PDE1C: variants seen among roughly 807,000 people sequenced by gnomAD.
The protein encoded by PDE1C is dual specificity calcium/calmodulin-dependent 3',5'-cyclic nucleotide phosphodiesterase 1C.
Under a neutral mutation model 93.1 loss-of-function variants are expected in PDE1C, and 62 were observed. That is an observed-to-expected ratio of 0.67 (90% confidence interval 0.54 to 0.82). The LOEUF (loss-of-function observed/expected upper bound fraction) is 0.82, where lower values mean the gene tolerates loss of function less well. Ranked by LOEUF, PDE1C falls within the 40% of genes least tolerant of loss-of-function variation. The probability of loss-of-function intolerance (pLI) is 0.00; values close to 1 mark genes in which losing one functional copy is unlikely to be tolerated. For missense variants in PDE1C, 742 were observed against 884.6 expected, an observed-to-expected ratio of 0.84 and a Z score of 2.04; for synonymous variants, 325 against 310.1, an observed-to-expected ratio of 1.05 and a Z score of -0.50.
At chr7:32,193,916 G>GTTTT (rs1554283858) in intron 2 of PDE1C, among the ~76,000 whole-genome samples, 4 of 115,262 alleles carry the variant, frequency 3.5e-5, no homozygotes, top group Admixed American at 9.5e-5. Context: ...GTTTTGTTTT[G>GTTTT]TTTTTTTTTT....
intron 15 of PDE1C, among the ~76,000 whole-genome samples, chr7:31,813,333 C>G (rs1471284473): frequency 6.6e-6 from 1 of 152,146 alleles, no homozygotes; most frequent in Non-Finnish European, 1.5e-5. Flanking sequence ...TTTTCTGTCA[C>G]TCTAGAAGCA....
the PDE1C span, chr7:31,642,316 A>G: frequency 8.4e-7 from 1 of 1,188,662 alleles, no homozygotes; most frequent in Non-Finnish European, 1.2e-6. Context: ...CTTCAGCCCT[A>G]TCAACCAGGC....
At chr7:32,390,443 C>G (rs1784729034) in intron 1 of PDE1C, among the ~76,000 whole-genome samples, 1 of 151,468 alleles carries the variant, frequency 6.6e-6, no homozygotes, top group African/African-American at 2.4e-5. Flanking sequence ...CTACTAAACA[C>G]TCTACAATGC....
chr7:32,169,033 G>C (rs1486259410), intron 3 of PDE1C, among the ~76,000 whole-genome samples: 1 of 152,018 alleles, frequency 6.6e-6, no homozygotes, highest in African/African-American at 2.4e-5. Context: ...AGAAAGGAGG[G>C]GCAGAAGGCA....
chr7:31,901,268 T>C (rs1799948279), intron 2 of PDE1C, among the ~76,000 whole-genome samples: 1 of 151,624 alleles, frequency 6.6e-6, no homozygotes. Flanking sequence ...TTAAAGCCAT[T>C]AGAACACATA....
At chr7:31,940,814 C>T (rs1805728109) in intron 2 of PDE1C, among the ~76,000 whole-genome samples, 1 of 152,054 alleles carries the variant, frequency 6.6e-6, no homozygotes, top group African/African-American at 2.4e-5. Flanking sequence ...GATCCAGTTT[C>T]ACTCTGAGCA....
the PDE1C span, among the ~76,000 whole-genome samples, chr7:31,717,799 A>G: frequency 6.6e-6 from 1 of 152,064 alleles, no homozygotes; most frequent in Non-Finnish European, 1.5e-5. Flanking sequence ...GGTCTTTAGG[A>G]GTCTATTTCT....
chr7:32,131,565 G>A (rs1799922235), intron 3 of PDE1C, among the ~76,000 whole-genome samples: 1 of 152,056 alleles, frequency 6.6e-6, no homozygotes, highest in South Asian at 2.1e-4. Context: ...AGTCAATGAG[G>A]CCTATTGGGC....
At chr7:32,339,255 A>T (rs1258456427) in intron 1 of PDE1C, among the ~76,000 whole-genome samples, 2 of 152,240 alleles carry the variant, frequency 1.3e-5, no homozygotes, top group Non-Finnish European at 2.9e-5. Context: ...AAAAAAATTT[A>T]AAAGTCATAA....
the PDE1C span, among the ~76,000 whole-genome samples, chr7:31,732,688 C>G: frequency 3.0e-5 from 4 of 132,908 alleles, no homozygotes; most frequent in African/African-American, 1.2e-4. Context: ...GACTGGTCTG[C>G]TTCTCTGAAG....
At chr7:32,317,703 A>G (rs1328383663) in intron 1 of PDE1C, among the ~76,000 whole-genome samples, 1 of 152,188 alleles carries the variant, frequency 6.6e-6, no homozygotes, top group African/African-American at 2.4e-5. Context: ...CAAGCTCCAC[A>G]GCCAACCTGC....
chr7:32,046,527 C>T (rs1792592099), intron 2 of PDE1C, among the ~76,000 whole-genome samples: 1 of 152,142 alleles, frequency 6.6e-6, no homozygotes, highest in Non-Finnish European at 1.5e-5. Context: ...CTACAAGCCT[C>T]TGTACCTATT....
At chr7:32,272,298 A>T (rs1396278179) in intron 1 of PDE1C, among the ~76,000 whole-genome samples, 1 of 152,240 alleles carries the variant, frequency 6.6e-6, no homozygotes, top group Non-Finnish European at 1.5e-5. Flanking sequence ...TGGCCTAAGA[A>T]ATGATTAAAT....
chr7:31,898,211 GCTTT>G (rs1799553985), intron 2 of PDE1C, among the ~76,000 whole-genome samples: 1 of 151,852 alleles, frequency 6.6e-6, no homozygotes, highest in Non-Finnish European at 1.5e-5. Context: ...AAAAACCTTT[GCTTT>G]ATTTGTATTT....
intron 2 of PDE1C, among the ~76,000 whole-genome samples, chr7:32,171,906 T>C (rs886884156): frequency 2.0e-5 from 3 of 146,450 alleles, no homozygotes; most frequent in Admixed American, 7.0e-5. Flanking sequence ...CTAGATGGGA[T>C]TGTGGAACAG....
chr7:32,254,864 C>A (rs1809670507), intron 1 of PDE1C, among the ~76,000 whole-genome samples: 1 of 152,166 alleles, frequency 6.6e-6, no homozygotes, highest in Admixed American at 6.5e-5. Flanking sequence ...CAACAAGCAC[C>A]CCTCTTCCAA....
intron 3 of PDE1C, among the ~76,000 whole-genome samples, chr7:32,159,833 TA>T (rs1801802790): frequency 6.6e-6 from 1 of 151,868 alleles, no homozygotes; most frequent in Non-Finnish European, 1.5e-5. Flanking sequence ...TAGAGTTAGG[TA>T]AAGGGAGGCT....
At chr7:31,882,111 G>C (rs2128881124) in intron 2 of PDE1C, among the ~76,000 whole-genome samples, 1 of 152,200 alleles carries the variant, frequency 6.6e-6, no homozygotes, top group African/African-American at 2.4e-5. Context: ...ACCTTAAAAA[G>C]TAAGCAAGAG....
the PDE1C span, among the ~76,000 whole-genome samples, chr7:31,734,826 G>A: frequency 6.6e-6 from 1 of 152,168 alleles, no homozygotes; most frequent in Non-Finnish European, 1.5e-5. Context: ...TCATATGGCT[G>A]CCAAGTTGTT....
Sources: gnomAD v4.1 joint callset for allele counts (sites outside exome capture counted in the v4.1 genomes callset) on GRCh38, gnomAD v4.1.1 for gene constraint, MANE v1.5 for transcripts, NCBI Gene and HGNC (gene_info 2026-07-23, HGNC 2026-07-21) for gene names.